Variants in LRRTM4 observed in about 807,000 individuals in gnomAD.
LRRTM4 encodes the protein leucine rich repeat transmembrane neuronal 4.
In LRRTM4, 25 loss-of-function variants were observed where a neutral mutation model predicts 47.6. The observed-to-expected ratio is 0.53, with a 90% CI of 0.38 to 0.73. The LOEUF (loss-of-function observed/expected upper bound fraction) is 0.73, where lower values mean the gene tolerates loss of function less well. Among genes scored for constraint, LRRTM4 ranks in the 30% least tolerant of loss-of-function variants. The probability of loss-of-function intolerance (pLI) is 0.00; values close to 1 mark genes in which losing one functional copy is unlikely to be tolerated. For synonymous variants in LRRTM4, 311 were observed against 269.5 expected (o/e 1.15, Z -1.51); for missense variants, 638 against 713.4 (o/e 0.89, Z 1.20).
intron 3 of LRRTM4, among the ~76,000 whole-genome samples, chr2:77,429,631 T>C (rs982512615): frequency 6.6e-6 from 1 of 152,198 alleles, no homozygotes; most frequent in African/African-American, 2.4e-5. Context: ...AGTTTCACTT[T>C]ATGTGTATGT....
chr2:76,942,676 C>CAGTGTGTGTGTG (rs140227592), intron 3 of LRRTM4, among the ~76,000 whole-genome samples: 2 of 148,208 alleles, frequency 1.3e-5, no homozygotes, highest in South Asian at 4.3e-4. Flanking sequence ...CTCTAGGAAT[C>CAGTGTGTGTGTG]TGTGTGTGTG....
intron 3 of LRRTM4, among the ~76,000 whole-genome samples, chr2:77,122,507 C>T (rs1234100396): frequency 1.3e-5 from 2 of 149,870 alleles, no homozygotes; most frequent in African/African-American, 4.9e-5. Context: ...TATATACACA[C>T]ACATATATAT....
At position 77,185,110 on chromosome 2, in the gene LRRTM4, A is replaced by G. The variant is rs541460601; in HGVS notation, c.1551+333208T>C. Among the ~76,000 whole-genome samples, 181 of 152,256 alleles carry G rather than the reference A, an allele frequency of 1.2e-3. 1 individual carries two copies. The highest frequency in any genetic ancestry group is 6.8e-3 in the Middle Eastern group (2 of 294). ...TCACTCTGCCATTCACTCATTTTCT[A>G]CAGTGGGAAGAGATATGTATTATCT... On this transcript the variant is annotated intron_variant, in intron 3 of 3. Transcript: ENST00000409884.
At chr2:77,197,120 T>C (rs559009323) in intron 3 of LRRTM4, among the ~76,000 whole-genome samples, 21 of 152,280 alleles carry the variant, frequency 1.4e-4, no homozygotes, top group South Asian at 1.0e-3. Context: ...CATTGTTGAG[T>C]AGTCATACAA....
At chr2:77,218,392 C>T (rs1330179343) in intron 3 of LRRTM4, among the ~76,000 whole-genome samples, 1 of 151,974 alleles carries the variant, frequency 6.6e-6, no homozygotes, top group South Asian at 2.1e-4. Flanking sequence ...ATCTTTGATG[C>T]AAGTTTTCTG....
At chr2:77,407,705 A>ATT (rs533402186) in intron 3 of LRRTM4, among the ~76,000 whole-genome samples, 6,071 of 139,488 alleles carry the variant, frequency 0.044, 453 homozygotes, top group African/African-American at 0.15. Context: ...TGATATATAT[A>ATT]ATATATCATA....
At chr2:77,485,503 A>C (rs1677875778) in intron 3 of LRRTM4, among the ~76,000 whole-genome samples, 1 of 152,202 alleles carries the variant, frequency 6.6e-6, no homozygotes, top group Admixed American at 6.5e-5. Context: ...AGAAATGTAT[A>C]ATGGGGTTAC....
chr2:77,128,469 C>T (rs752477283), intron 3 of LRRTM4, among the ~76,000 whole-genome samples: 4 of 152,078 alleles, frequency 2.6e-5, no homozygotes, highest in Non-Finnish European at 4.4e-5. Flanking sequence ...CATTGATGTA[C>T]CTGGGCCTAT....
chr2:77,214,632 A>C (rs2103931090), intron 3 of LRRTM4, among the ~76,000 whole-genome samples: 1 of 152,272 alleles, frequency 6.6e-6, no homozygotes, highest in Middle Eastern at 3.4e-3. Flanking sequence ...TGCTTGTATT[A>C]TTAAACCTTT....
chr2:77,421,479 G>T (rs1674881096), intron 3 of LRRTM4, among the ~76,000 whole-genome samples: 2 of 152,012 alleles, frequency 1.3e-5, no homozygotes, highest in Non-Finnish European at 2.9e-5. Flanking sequence ...AGGCCGAGGC[G>T]GGCGGATCAC....
At chr2:76,904,584 A>G (rs567135657) in intron 3 of LRRTM4, among the ~76,000 whole-genome samples, 66 of 152,322 alleles carry the variant, frequency 4.3e-4, no homozygotes, top group African/African-American at 1.5e-3. Flanking sequence ...GGAGTATAGA[A>G]AATCTTTAGA....
intron 3 of LRRTM4, among the ~76,000 whole-genome samples, chr2:77,440,797 T>G (rs1675810812): frequency 6.6e-6 from 1 of 152,200 alleles, no homozygotes; most frequent in Non-Finnish European, 1.5e-5. Flanking sequence ...CCTAAAAAAT[T>G]TCAGATGGCT....
intron 3 of LRRTM4, among the ~76,000 whole-genome samples, chr2:77,267,436 C>T (rs1380048027): frequency 6.6e-6 from 1 of 152,154 alleles, no homozygotes. Flanking sequence ...AGGAGGGAAA[C>T]ACTATTCCCC....
intron 3 of LRRTM4, among the ~76,000 whole-genome samples, chr2:76,831,736 T>G (rs1231455373): frequency 6.6e-6 from 1 of 152,128 alleles, no homozygotes; most frequent in Non-Finnish European, 1.5e-5. Flanking sequence ...CACTAATATC[T>G]CAGATCAACC....
intron 3 of LRRTM4, among the ~76,000 whole-genome samples, chr2:76,866,469 T>C (rs1209490656): frequency 1.3e-5 from 2 of 152,202 alleles, no homozygotes; most frequent in Non-Finnish European, 2.9e-5. Flanking sequence ...TGTATTTTTT[T>C]CTTCTTTCAG....
chr2:76,879,251 A>G (rs968623604), intron 3 of LRRTM4, among the ~76,000 whole-genome samples: 1 of 152,210 alleles, frequency 6.6e-6, no homozygotes, highest in Non-Finnish European at 1.5e-5. Flanking sequence ...TTTCATAGCT[A>G]GAGAGGAGAA....
In LRRTM4 at chr2:77,075,718, A is replaced by AGC. The variant is rs1239446484; in HGVS notation, c.1552-326803_1552-326802insGC. Among the ~76,000 whole-genome samples the AGC allele has an allele frequency of 1.3e-3, 191 of 151,324 alleles. 1 individual carries two copies. The highest frequency in any genetic ancestry group is 4.5e-3 in the African/African-American group (183 of 41,086). ...ATCACGAGGTCAGGAGATCGAGACC[A>AGC]TCCTGGCTAACAAGGTGAAACCCCG... On this transcript the variant is annotated intron_variant, in intron 3 of 3. Coordinates refer to ENST00000409884, the MANE Select transcript of LRRTM4 (RefSeq NM_001134745.3).
chr2:77,504,091 C>T (rs1678673810), intron 3 of LRRTM4, among the ~76,000 whole-genome samples: 1 of 151,650 alleles, frequency 6.6e-6, no homozygotes, highest in East Asian at 1.9e-4. Flanking sequence ...TAAGAAAATT[C>T]TCTCTGTCTC....
At chr2:76,812,698 T>TC (rs1389173475) in intron 3 of LRRTM4, among the ~76,000 whole-genome samples, 3 of 150,812 alleles carry the variant, frequency 2.0e-5, no homozygotes, top group African/African-American at 7.3e-5. Context: ...TTTCTTTCTT[T>TC]TCTTTCTTTA....
Sources: allele counts gnomAD v4.1 joint callset (sites outside exome capture counted in the v4.1 genomes callset), GRCh38; gene constraint gnomAD v4.1.1; transcripts MANE v1.5; gene names NCBI Gene and HGNC (gene_info 2026-07-23, HGNC 2026-07-21).